The following FBN2 variants were observed in gnomAD, a reference collection of about 807,000 sequenced individuals.
FBN2 encodes the protein fibrillin 2, also known as fibrillin-2.
FBN2 carries 105 observed loss-of-function variants against 355.6 expected under a neutral mutation model. That is an observed-to-expected ratio of 0.30 (90% CI 0.25 to 0.35). The LOEUF is 0.35. Ranked by LOEUF, FBN2 falls within the 10% of genes least tolerant of loss-of-function variation. The pLI, the probability that FBN2 is intolerant of heterozygous loss-of-function variation, is 1.00. For synonymous variants in FBN2, 1,350 were observed against 1,301.2 expected (o/e 1.04, Z -0.81); for missense variants, 3,280 against 3,758.7 (o/e 0.87, Z 3.33).
chr5:128,372,126 G>A (rs1239471166), intron 15 of FBN2, among the ~76,000 whole-genome samples: 1 of 152,172 alleles, frequency 6.6e-6, no homozygotes, highest in Non-Finnish European at 1.5e-5. Flanking sequence ...AACAACAAAA[G>A]AGGAAAGGAG....
intron 23 of FBN2, among the ~76,000 whole-genome samples, chr5:128,348,200 G>C (rs1751239207): frequency 1.3e-5 from 2 of 152,070 alleles, no homozygotes; most frequent in Admixed American, 6.5e-5. Context: ...GATTTCATTA[G>C]TCATTTGGCC....
intron 33 of FBN2, among the ~76,000 whole-genome samples, chr5:128,329,321 T>C (rs1343565979): frequency 2.0e-5 from 3 of 152,124 alleles, no homozygotes; most frequent in African/African-American, 7.2e-5. Flanking sequence ...ATAAAAATAC[T>C]CCTATCTTAA....
intron 5 of FBN2, among the ~76,000 whole-genome samples, chr5:128,468,684 A>C (rs892428681): frequency 5.3e-5 from 8 of 152,164 alleles, no homozygotes; most frequent in Admixed American, 2.6e-4. Flanking sequence ...AAATAAACAC[A>C]TTTGCTTGGG....
At chr5:128,318,781 A>G in intron 35 of FBN2, 98 bp downstream of exon 35, 1 of 1,291,362 alleles carries the variant, frequency 7.7e-7, no homozygotes. Flanking sequence ...AACCTAATGC[A>G]TAGATTAGCT....
intron 6 of FBN2, among the ~76,000 whole-genome samples, chr5:128,451,468 C>T (rs551244854): frequency 5.3e-5 from 8 of 152,170 alleles, no homozygotes; most frequent in South Asian, 4.2e-4. Flanking sequence ...GGTGCGATCT[C>T]GGCTCCCTGC....
intron 6 of FBN2, among the ~76,000 whole-genome samples, chr5:128,455,911 C>T (rs1256465129): frequency 7.1e-6 from 1 of 140,872 alleles, no homozygotes; most frequent in Non-Finnish European, 1.5e-5. Flanking sequence ...ATGGAGCCCC[C>T]CGGGGGTTGT....
intron 5 of FBN2, among the ~76,000 whole-genome samples, chr5:128,500,855 G>GA (rs1755790872): frequency 6.6e-6 from 1 of 151,616 alleles, no homozygotes; most frequent in South Asian, 2.1e-4. Flanking sequence ...CGCATTCGAA[G>GA]AAAAAACAAA....
chr5:128,374,842 C>T (rs1234484891), intron 14 of FBN2, 92 bp from the exon 15 acceptor site: 2 of 1,341,884 alleles, frequency 1.5e-6, no homozygotes, highest in African/African-American at 1.4e-5. Context: ...TACTACTAAC[C>T]TTTTGTTTAT....
At chr5:128,506,863 G>A (rs560097389) in intron 5 of FBN2, among the ~76,000 whole-genome samples, 2 of 152,162 alleles carry the variant, frequency 1.3e-5, no homozygotes, top group East Asian at 3.9e-4. Context: ...ATATTTAGAT[G>A]AACACTCTGA....
chr5:128,414,337 T>A (rs1753142894), intron 7 of FBN2, among the ~76,000 whole-genome samples: 1 of 152,164 alleles, frequency 6.6e-6, no homozygotes, highest in African/African-American at 2.4e-5. Flanking sequence ...TGTCTCTATA[T>A]ATTTGTTTAT....
intron 3 of FBN2, among the ~76,000 whole-genome samples, chr5:128,529,930 T>C (rs1447759680): frequency 2.6e-5 from 4 of 152,162 alleles, no homozygotes; most frequent in African/African-American, 9.7e-5. Context: ...ACATACTATA[T>C]TACCTTCTTT....
At chr5:128,263,942 T>C (rs541685331) in intron 62 of FBN2, among the ~76,000 whole-genome samples, 35 of 152,352 alleles carry the variant, frequency 2.3e-4, no homozygotes, top group African/African-American at 8.4e-4. Context: ...ATAACTCTTC[T>C]ATTCTCTTAA....
At chr5:128,304,670 G>GT (rs1749818223) in intron 45 of FBN2, among the ~76,000 whole-genome samples, 1 of 152,112 alleles carries the variant, frequency 6.6e-6, no homozygotes, top group Admixed American at 6.6e-5. Flanking sequence ...GGCTCAGAGG[G>GT]TTTTTTCTTG....
At chr5:128,271,690 C>A (rs1371468256) in intron 62 of FBN2, among the ~76,000 whole-genome samples, 1 of 152,094 alleles carries the variant, frequency 6.6e-6, no homozygotes, top group Non-Finnish European at 1.5e-5. Flanking sequence ...AGTGGCTGAC[C>A]TTCGCAAACA....
At chr5:128,532,296 A>G (rs145227997) in intron 2 of FBN2, among the ~76,000 whole-genome samples, 136 of 152,308 alleles carry the variant, frequency 8.9e-4, no homozygotes, top group African/African-American at 3.1e-3. Context: ...GGGAGAGTCA[A>G]AGCCTCCTGC....
intron 16 of FBN2, among the ~76,000 whole-genome samples, chr5:128,368,420 G>GTGTA (rs1554064122): frequency 9.6e-5 from 12 of 124,494 alleles, no homozygotes; most frequent in African/African-American, 1.7e-4. Flanking sequence ...GTGTGTGTGT[G>GTGTA]TATATATATA....
chr5:128,467,360 T>C (rs1169623655), intron 5 of FBN2, among the ~76,000 whole-genome samples: 1 of 152,202 alleles, frequency 6.6e-6, no homozygotes, highest in African/African-American at 2.4e-5. Context: ...TGTTTGTATA[T>C]GATGACAATT....
chr5:128,266,577 T>G (rs565753868), intron 62 of FBN2, among the ~76,000 whole-genome samples: 18 of 152,282 alleles, frequency 1.2e-4, no homozygotes, highest in African/African-American at 4.1e-4. Flanking sequence ...AGTAAAAACC[T>G]GTGCAGCTCG....
intron 3 of FBN2, among the ~76,000 whole-genome samples, chr5:128,529,819 G>C (rs1005142181): frequency 1.3e-5 from 2 of 152,154 alleles, no homozygotes; most frequent in African/African-American, 2.4e-5. Context: ...TGAGGAAATG[G>C]CAGATTCAAA....
Sources: allele counts gnomAD v4.1 joint callset (sites outside exome capture counted in the v4.1 genomes callset), GRCh38; gene constraint gnomAD v4.1.1; transcripts MANE v1.5; gene names NCBI Gene and HGNC (gene_info 2026-07-23, HGNC 2026-07-21).